EYS: variants seen among roughly 807,000 people sequenced by gnomAD.
The protein encoded by EYS is protein eyes shut homolog.
Under a neutral mutation model 282.1 loss-of-function variants are expected in EYS, and 250 were observed. The observed-to-expected ratio is 0.89, with a 90% CI of 0.80 to 0.98. EYS has a LOEUF of 0.98. Ranked by LOEUF, EYS falls within the 50% of genes least tolerant of loss-of-function variation. The pLI is 0.00. For synonymous variants in EYS, 1,355 were observed against 1,282.9 expected, an observed-to-expected ratio of 1.06 and a Z score of -1.20; for missense variants, 4,016 against 3,709.0, an observed-to-expected ratio of 1.08 and a Z score of -2.15.
At chr6:64,249,946 A>G (rs767020709) in intron 30 of EYS, among the ~76,000 whole-genome samples, 8 of 152,188 alleles carry the variant, frequency 5.3e-5, no homozygotes, top group Non-Finnish European at 1.2e-4. Context: ...GAGTAGAGAA[A>G]AATGGAGAAC....
At chr6:64,932,081 C>T (rs1348175368) in intron 15 of EYS, among the ~76,000 whole-genome samples, 6 of 152,010 alleles carry the variant, frequency 3.9e-5, no homozygotes, top group Admixed American at 2.0e-4. Context: ...AAACAATCTC[C>T]GTGTTTATTC....
chr6:64,111,128 G>A (rs969830793), intron 31 of EYS, among the ~76,000 whole-genome samples: 4 of 151,964 alleles, frequency 2.6e-5, no homozygotes, highest in Non-Finnish European at 5.9e-5. Context: ...CATAGTTTCT[G>A]TTACAGGGGG....
chr6:65,382,828 C>G (rs1765668864), intron 8 of EYS, among the ~76,000 whole-genome samples: 1 of 151,850 alleles, frequency 6.6e-6, no homozygotes, highest in Non-Finnish European at 1.5e-5. Flanking sequence ...TTAGATGGTG[C>G]CCACCTAGAT....
At chr6:65,028,005 T>C (rs1583412906) in intron 13 of EYS, among the ~76,000 whole-genome samples, 2 of 152,270 alleles carry the variant, frequency 1.3e-5, no homozygotes, top group East Asian at 3.9e-4. Flanking sequence ...AAGTCTGCTT[T>C]ACTATCCTGC....
intron 12 of EYS, among the ~76,000 whole-genome samples, chr6:65,251,954 C>T (rs1582065376): frequency 1.3e-5 from 2 of 151,758 alleles, no homozygotes; most frequent in South Asian, 2.1e-4. Context: ...TGGTGATAGC[C>T]GATGGTGACA....
chr6:63,726,415 C>T lies in EYS; in HGVS notation c.8233+104G>A, dbSNP rs1177746738. ...CAGTGACAATAGAACATAAAAGCAT[C>T]AAATGTTTACATATTTAAATACTAG... On this transcript the variant is annotated intron_variant, in intron 42 of 42. Transcript: ENST00000503581. The T allele has an allele frequency of 3.0e-6, 3 of 1,006,770 alleles. No homozygotes were observed. In the Admixed American group the frequency reaches 9.8e-5, roughly 33 times the overall value. 62.4% of individuals were successfully genotyped at this position (1,006,770 alleles called of 1,614,324 possible). A position where few individuals can be genotyped will look rare whatever the true frequency, so the allele number is the denominator to read the frequency against.
intron 2 of EYS, among the ~76,000 whole-genome samples, chr6:65,550,165 T>TCATGGCATCTCAAAC (rs1768562905): frequency 1.1e-4 from 1 of 9,322 alleles, no homozygotes; most frequent in Non-Finnish European, 1.4e-4. Flanking sequence ...TTTTTTTTTT[T>TCATGGCATCTCAAAC]TTTTTTTTTT....
intron 5 of EYS, among the ~76,000 whole-genome samples, chr6:65,448,171 C>G (rs1216953796): frequency 6.6e-6 from 1 of 152,000 alleles, no homozygotes; most frequent in Non-Finnish European, 1.5e-5. Flanking sequence ...CTGATACAAA[C>G]ACAACTCACC....
At chr6:63,902,552 A>G (rs1773682337) in intron 35 of EYS, among the ~76,000 whole-genome samples, 3 of 152,112 alleles carry the variant, frequency 2.0e-5, no homozygotes, top group South Asian at 4.1e-4. Context: ...TTTGGGTTAC[A>G]ACATATAAAT....
intron 2 of EYS, among the ~76,000 whole-genome samples, chr6:65,586,341 T>A (rs998071211): frequency 9.9e-5 from 15 of 152,168 alleles, no homozygotes; most frequent in African/African-American, 3.4e-4. Flanking sequence ...AAAACAAGAA[T>A]TAAAAACTAA....
chr6:65,404,783 T>C (rs1766655008), intron 6 of EYS, among the ~76,000 whole-genome samples: 1 of 151,924 alleles, frequency 6.6e-6, no homozygotes, highest in Non-Finnish European at 1.5e-5. Context: ...TAAGGTTCTT[T>C]AAAGAATTAA....
At chr6:64,703,666 G>T (rs1469879919) in intron 22 of EYS, among the ~76,000 whole-genome samples, 1 of 151,258 alleles carries the variant, frequency 6.6e-6, no homozygotes, top group Non-Finnish European at 1.5e-5. Context: ...TTCATGAAGA[G>T]GGAATTTTCA....
intron 19 of EYS, among the ~76,000 whole-genome samples, chr6:64,854,584 G>T (rs902870733): frequency 1.6e-5 from 2 of 122,428 alleles, no homozygotes; most frequent in Non-Finnish European, 3.3e-5. Context: ...ACACACGGGG[G>T]CCTGTTGTGG....
intron 31 of EYS, among the ~76,000 whole-genome samples, chr6:64,213,010 C>G (rs1765826323): frequency 6.6e-6 from 1 of 152,044 alleles, no homozygotes; most frequent in African/African-American, 2.4e-5. Context: ...AACACAGGAA[C>G]AGAAAACCAA....
chr6:63,982,990 A>T (rs1362131016), intron 35 of EYS, among the ~76,000 whole-genome samples: 1 of 151,780 alleles, frequency 6.6e-6, no homozygotes, highest in Non-Finnish European at 1.5e-5. Flanking sequence ...GGGGTTTGAA[A>T]GTTGCCTTGC....
At chr6:64,302,854 T>C (rs1339642495) in intron 30 of EYS, among the ~76,000 whole-genome samples, 1 of 152,128 alleles carries the variant, frequency 6.6e-6, no homozygotes, top group Non-Finnish European at 1.5e-5. Flanking sequence ...CAATAATGAA[T>C]GGTGTGGTAC....
At chr6:64,687,039 C>T (rs958269270) in intron 22 of EYS, among the ~76,000 whole-genome samples, 1 of 149,700 alleles carries the variant, frequency 6.7e-6, no homozygotes, top group African/African-American at 2.5e-5. Flanking sequence ...AAATGAGAAA[C>T]ATTTGAATAG....
rs995663330 is a variant in EYS at position 63,911,561 on chromosome 6, C to A, written c.7056-47203G>T. On this transcript the variant is annotated intron_variant, in intron 35 of 42. Transcript: ENST00000503581. ...TATTTGTTTATTTAATATTTTACAT[C>A]ATAATTGATAATCCTTGAGCAATGA... Among the ~76,000 whole-genome samples the A allele has an allele frequency of 3.3e-5, 5 of 152,166 alleles. 1 individual carries two copies. Among genetic ancestry groups the A allele is most frequent in the African/African-American group, 1.2e-4 (5 of 41,432 alleles).
chr6:64,251,182 T>G (rs569309165), intron 30 of EYS, among the ~76,000 whole-genome samples: 1 of 152,212 alleles, frequency 6.6e-6, no homozygotes, highest in Non-Finnish European at 1.5e-5. Flanking sequence ...CTATTTACCA[T>G]TACTTTTTAT....
Sources: gnomAD v4.1 joint callset for allele counts (sites outside exome capture counted in the v4.1 genomes callset) on GRCh38, gnomAD v4.1.1 for gene constraint, MANE v1.5 for transcripts, NCBI Gene and HGNC (gene_info 2026-07-23, HGNC 2026-07-21) for gene names.